SCN11A: variants seen among roughly 807,000 people sequenced by gnomAD.
SCN11A encodes sodium channel protein type 11 subunit alpha.
In SCN11A, 122 loss-of-function variants were observed where a neutral mutation model predicts 162.2. That is an observed-to-expected ratio of 0.75 (90% confidence interval 0.65 to 0.87). SCN11A has a LOEUF of 0.87. Ranked by LOEUF, SCN11A falls within the 40% of genes least tolerant of loss-of-function variation. SCN11A has a pLI of 0.00. For synonymous variants in SCN11A, 758 were observed against 751.5 expected, an observed-to-expected ratio of 1.01 and a Z score of -0.14; for missense variants, 2,015 against 2,181.6, an observed-to-expected ratio of 0.92 and a Z score of 1.52.
chr3:39,045,112 C>G (rs1430813170), intron 1 of SCN11A, among the ~76,000 whole-genome samples: 1 of 152,100 alleles, frequency 6.6e-6, no homozygotes, highest in Non-Finnish European at 1.5e-5. Flanking sequence ...AATAGAAAAC[C>G]TGAACAAATC....
intron 1 of SCN11A, among the ~76,000 whole-genome samples, chr3:39,049,942 C>G (rs1239504134): frequency 6.6e-6 from 1 of 152,186 alleles, no homozygotes; most frequent in African/African-American, 2.4e-5. Flanking sequence ...AAGAACTTCA[C>G]TATTTCAATA....
At chr3:38,887,390 C>T (rs1050924850) in intron 19 of SCN11A, among the ~76,000 whole-genome samples, 2 of 146,400 alleles carry the variant, frequency 1.4e-5, no homozygotes, top group Non-Finnish European at 1.5e-5. Context: ...GCCTATTCTG[C>T]ATCTCAAACC....
intron 19 of SCN11A, among the ~76,000 whole-genome samples, chr3:38,889,582 G>T (rs181412949): frequency 1.4e-3 from 207 of 151,896 alleles, no homozygotes; most frequent in African/African-American, 4.9e-3. Flanking sequence ...AGCAGATCAC[G>T]AGGTCAGGAG....
In SCN11A at chr3:38,867,302, A is replaced by G; in HGVS notation, c.3951+19T>C. 1 of 1,606,534 alleles carries G rather than the reference A, an allele frequency of 6.2e-7. No homozygotes were observed. The highest frequency in any genetic ancestry group is 8.5e-7 in the Non-Finnish European group (1 of 1,176,916). ...GGACAGAGATAAAATTACCAAATCA[A>G]GACAACCCAGATACTTATCTTTTTC... On this transcript the variant is annotated intron_variant, in intron 27 of 29. Transcript: ENST00000302328.
In SCN11A at chr3:38,919,945, T is replaced by C. The variant is rs1268934490; in HGVS notation, c.949A>G (p.Met317Val). The change falls in exon 11 of 30, where the codon ATG becomes GTG. Residue 317 changes from methionine to valine, a missense_variant. Met to Val is a conservative substitution (Grantham distance 21, BLOSUM62 1). Coordinates refer to ENST00000302328, the MANE Select transcript of SCN11A (RefSeq NM_001349253.2). ...SPEFKMCGIW[M>V]GNSACSIQYE... Reference sequence around the variant, plus strand: ...TTATAAACCTCTTACCTGTTACCCATCCAGATGCCACACATTTTGAATTCA... The same window carrying C: ...TTATAAACCTCTTACCTGTTACCCACCCAGATGCCACACATTTTGAATTCA... 3 of 1,612,976 alleles carry C rather than the reference T, an allele frequency of 1.9e-6. No individual in the cohort carries two copies. Among genetic ancestry groups the C allele is most frequent in the Middle Eastern group, 1.7e-4 (1 of 6,058 alleles).
intron 1 of SCN11A, among the ~76,000 whole-genome samples, chr3:39,045,984 G>C (rs2032172292): frequency 6.6e-6 from 1 of 152,168 alleles, no homozygotes; most frequent in South Asian, 2.1e-4. Context: ...TAGCGGCCAG[G>C]CACAGTGTCT....
rs6599268 is a variant in SCN11A, at chr3:38,908,728, A to G, written c.1299+269T>C. Among the ~76,000 whole-genome samples the G allele has an allele frequency of 0.89, 135,652 of 152,214 alleles. 60,531 individuals carry two copies. The highest frequency in any genetic ancestry group is 0.92 in the South Asian group (4,418 of 4,812). ...TGTTGTATCGTCTAGTCAGTAATTT[A>G]GGGCATGTCTTAGAAGGCTTAGACT... is the stretch of plus-strand genomic sequence containing the variant. On this transcript the variant is annotated intron_variant, in intron 13 of 29. Transcript: ENST00000302328.
intron 19 of SCN11A, among the ~76,000 whole-genome samples, chr3:38,891,733 T>G (rs2065503150): frequency 6.6e-6 from 1 of 152,278 alleles, no homozygotes; most frequent in Non-Finnish European, 1.5e-5. Flanking sequence ...ACTCATTCTT[T>G]TATTAGGAAC....
At chr3:38,885,432 C>A (rs560304708) in intron 20 of SCN11A, 30 bp from the exon 21 acceptor site, 3 of 1,226,332 alleles carry the variant, frequency 2.4e-6, no homozygotes, top group Non-Finnish European at 3.6e-6. Flanking sequence ...GAAGGGGGTG[C>A]CTTTTACTAA....
chr3:38,963,354 T>C (rs111534679), intron 2 of SCN11A, among the ~76,000 whole-genome samples: 2 of 54,852 alleles, frequency 3.6e-5, no homozygotes, highest in African/African-American at 1.4e-4. Context: ...ATTTGATGGA[T>C]ATATATATAT....
intron 7 of SCN11A, among the ~76,000 whole-genome samples, chr3:38,942,885 A>T (rs1018142915): frequency 1.3e-5 from 2 of 152,220 alleles, no homozygotes; most frequent in Admixed American, 1.3e-4. Context: ...ATGTAAAATT[A>T]TGCTGTCAAT....
At chr3:38,921,419 CTG>C (rs1342418686) in intron 9 of SCN11A, among the ~76,000 whole-genome samples, 164 bp from the exon 10 acceptor site, 3 of 152,190 alleles carry the variant, frequency 2.0e-5, no homozygotes. Context: ...TGCTCCAACT[CTG>C]TGCCTTGGAA....
chr3:38,969,569 G>A (rs1453269544), intron 2 of SCN11A, among the ~76,000 whole-genome samples: 5 of 152,310 alleles, frequency 3.3e-5, no homozygotes, highest in Non-Finnish European at 7.4e-5. Flanking sequence ...TGTGGTCTAG[G>A]GGCTGCAGTT....
intron 2 of SCN11A, among the ~76,000 whole-genome samples, chr3:38,985,258 G>GCTGGGACTACAGGCAC (rs1217453892): frequency 6.8e-6 from 1 of 148,050 alleles, no homozygotes; most frequent in Non-Finnish European, 1.5e-5. Context: ...CTCCCGAGTA[G>GCTGGGACTACAGGCAC]CTGGGACTAC....
intron 2 of SCN11A, among the ~76,000 whole-genome samples, chr3:39,017,734 A>C (rs1367386997): frequency 6.6e-6 from 1 of 151,638 alleles, no homozygotes; most frequent in East Asian, 1.9e-4. Context: ...CATCTTTTAT[A>C]TCTCTACTCA....
chr3:39,036,139 A>T (rs1430646645), intron 1 of SCN11A, among the ~76,000 whole-genome samples: 1 of 151,750 alleles, frequency 6.6e-6, no homozygotes, highest in Non-Finnish European at 1.5e-5. Flanking sequence ...TGCACTCAGC[A>T]GATTTCTTTT....
At chr3:38,938,086 T>A (rs1402551179) in intron 7 of SCN11A, among the ~76,000 whole-genome samples, 1 of 152,120 alleles carries the variant, frequency 6.6e-6, no homozygotes, top group Non-Finnish European at 1.5e-5. Flanking sequence ...TGTAGGGACA[T>A]GGATGAAATT....
intron 19 of SCN11A, among the ~76,000 whole-genome samples, chr3:38,888,141 A>G (rs1420791987): frequency 1.3e-5 from 2 of 152,334 alleles, no homozygotes; most frequent in Admixed American, 1.3e-4. Flanking sequence ...AGAGAAAGCC[A>G]AAAAACACAA....
intron 27 of SCN11A, among the ~76,000 whole-genome samples, chr3:38,866,994 G>A (rs1360495084): frequency 6.6e-6 from 1 of 152,118 alleles, no homozygotes; most frequent in African/African-American, 2.4e-5. Context: ...TGACCCTAGT[G>A]TCATATTTAA....
Sources: gnomAD v4.1 joint callset for allele counts (sites outside exome capture counted in the v4.1 genomes callset) on GRCh38, gnomAD v4.1.1 for gene constraint, MANE v1.5 for transcripts, NCBI Gene and HGNC (gene_info 2026-07-23, HGNC 2026-07-21) for gene names.